The following STT3B variants were observed in gnomAD, a reference collection of about 807,000 sequenced individuals.
STT3B encodes dolichyl-diphosphooligosaccharide--protein glycosyltransferase subunit STT3B.
A neutral mutation model predicts 96.8 loss-of-function variants in STT3B; 29 were observed. The observed-to-expected ratio is 0.30, with a 90% confidence interval of 0.22 to 0.41. The LOEUF (loss-of-function observed/expected upper bound fraction) is 0.41, where lower values mean the gene tolerates loss of function less well. Among genes scored for constraint, STT3B ranks in the 10% least tolerant of loss-of-function variants. The pLI, the probability that STT3B is intolerant of heterozygous loss-of-function variation, is 1.00. For synonymous variants in STT3B, 367 were observed against 360.0 expected, an observed-to-expected ratio of 1.02 and a Z score of -0.22; for missense variants, 640 against 1,022.3, an observed-to-expected ratio of 0.63 and a Z score of 5.10.
intron 3 of STT3B, among the ~76,000 whole-genome samples, chr3:31,580,633 G>A (rs574554030): frequency 1.6e-4 from 25 of 152,142 alleles, no homozygotes; most frequent in Admixed American, 1.0e-3. Flanking sequence ...ATATGTTTTT[G>A]TATATTTTAT....
chr3:31,606,953 G>T (rs570985170), intron 5 of STT3B, among the ~76,000 whole-genome samples: 29 of 152,316 alleles, frequency 1.9e-4, no homozygotes, highest in African/African-American at 6.7e-4. Context: ...GTATCAGCGT[G>T]ACCTGGATGT....
chr3:31,635,309 G>A (rs1467129521), intron 15 of STT3B, among the ~76,000 whole-genome samples: 2 of 152,106 alleles, frequency 1.3e-5, no homozygotes, highest in African/African-American at 4.8e-5. Flanking sequence ...GCAGTAATTT[G>A]TACCACTGCA....
At chr3:31,574,141 G>C (rs1223786345) in intron 1 of STT3B, among the ~76,000 whole-genome samples, 1 of 152,058 alleles carries the variant, frequency 6.6e-6, no homozygotes, top group East Asian at 1.9e-4. Flanking sequence ...TAAAACCTTG[G>C]TATTCTTGCT....
intron 4 of STT3B, 97 bp from the exon 5 acceptor site, chr3:31,600,261 CTT>C (rs916236286): frequency 5.2e-5 from 25 of 477,340 alleles, no homozygotes; most frequent in African/African-American, 5.0e-4. Flanking sequence ...TTGCTAAAAT[CTT>C]AATGTTTATA....
At chr3:31,553,155 TG>T (rs1214809733) in intron 1 of STT3B, among the ~76,000 whole-genome samples, 1 of 151,606 alleles carries the variant, frequency 6.6e-6, no homozygotes, top group Non-Finnish European at 1.5e-5. Flanking sequence ...CTGGAACTCC[TG>T]TACATTGCTG....
chr3:31,616,529 TAA>T (rs1559387736), intron 6 of STT3B, among the ~76,000 whole-genome samples: 1 of 151,784 alleles, frequency 6.6e-6, no homozygotes, highest in Admixed American at 6.6e-5. Context: ...ATCCTGATCC[TAA>T]GTCTTTGTAT....
chr3:31,619,418 A>G (rs1319319277), intron 8 of STT3B, among the ~76,000 whole-genome samples: 1 of 152,220 alleles, frequency 6.6e-6, no homozygotes, highest in Non-Finnish European at 1.5e-5. Context: ...AGATTTCTGT[A>G]TTGGAATTCA....
intron 3 of STT3B, among the ~76,000 whole-genome samples, chr3:31,583,801 C>T (rs557434996): frequency 7.9e-5 from 12 of 151,930 alleles, no homozygotes; most frequent in Admixed American, 6.6e-4. Flanking sequence ...CTCCATTAGT[C>T]TTCTTTTGTG....
intron 3 of STT3B, among the ~76,000 whole-genome samples, chr3:31,583,243 C>T (rs1453384685): frequency 1.3e-5 from 2 of 151,928 alleles, no homozygotes; most frequent in East Asian, 1.9e-4. Flanking sequence ...ATTGCTATAC[C>T]TTCTTGCTGT....
rs765621106 is a variant in STT3B, at chr3:31,615,101, A to G, written c.878-4A>G. 3.8e-6 allele frequency: 6 copies of G among 1,577,592 alleles called. No individual in the cohort carries two copies. The highest frequency in any genetic ancestry group is 3.5e-5 in the Admixed American group (2 of 57,306). On this transcript the variant is annotated splice_region_variant and splice_polypyrimidine_tract_variant and intron_variant, in intron 5 of 15. Coordinates refer to ENST00000295770, the MANE Select transcript of STT3B (RefSeq NM_178862.3). ...TATCCTTGTTTCCTATTTTGTCTTT[A>G]TAGCATATAGCACTTTCTACATTGT...
At position 31,596,486 on chromosome 3, in the gene STT3B, A is replaced by G. The variant is rs72856035; in HGVS notation, c.712-312A>G. 2.7e-3 allele frequency among the ~76,000 whole-genome samples: 413 copies of G among 152,204 alleles called. 2 individuals carry two copies. The highest frequency in any genetic ancestry group is 9.7e-3 in the African/African-American group (403 of 41,542). ...GGAGGTGGCCATGGTGACCTGTGGC[A>G]TGGTGTGTGGATATCAGTGAGGGCA... On this transcript the variant is annotated intron_variant, in intron 3 of 15. Coordinates refer to ENST00000295770, the MANE Select transcript of STT3B (RefSeq NM_178862.3).
chr3:31,552,041 A>G (rs1329240420), intron 1 of STT3B, among the ~76,000 whole-genome samples: 3 of 152,118 alleles, frequency 2.0e-5, no homozygotes, highest in Non-Finnish European at 4.4e-5. Flanking sequence ...TAAGAACCCA[A>G]CCCTGGTGAC....
At chr3:31,588,446 TA>T (rs1320243848) in intron 3 of STT3B, among the ~76,000 whole-genome samples, 1 of 152,064 alleles carries the variant, frequency 6.6e-6, no homozygotes, top group African/African-American at 2.4e-5. Context: ...CCTAATCCAT[TA>T]AAAAAATCCT....
At position 31,633,715 on chromosome 3, in the gene STT3B, G is replaced by T. The variant is rs528622502; in HGVS notation, c.2400+568G>T. Among the ~76,000 whole-genome samples the T allele has an allele frequency of 5.9e-5, 9 of 152,078 alleles. No homozygotes were observed. The South Asian group carries it at 1.5e-3, about 25-fold the overall frequency. ...TAAGATATGAAGTATTTCATTGGGG[G>T]TCATTATTGCTCACTTAAGCCAAAT... On this transcript the variant is annotated intron_variant, in intron 15 of 15. Transcript: ENST00000295770.
rs1425287267 is a variant in STT3B at position 31,620,044 on chromosome 3, G to A, written c.1327+214G>A. On this transcript the variant is annotated intron_variant, in intron 9 of 15. Coordinates refer to ENST00000295770, the MANE Select transcript of STT3B (RefSeq NM_178862.3). ...AATCCCAGCACTTTGGGAGGCCGAG[G>A]CGGGCGGATCACCTGAGGTCAGGAG... 4.9e-6 allele frequency: 6 copies of A among 1,220,540 alleles called. 1 individual carries two copies. The Admixed American group carries it at 1.9e-4, about 38-fold the overall frequency. The allele number at this position is 1,220,540 out of a possible 1,614,324, so 75.6% of individuals were successfully genotyped here.
intron 2 of STT3B, among the ~76,000 whole-genome samples, chr3:31,578,642 G>C (rs910981606): frequency 5.3e-5 from 8 of 151,798 alleles, no homozygotes; most frequent in African/African-American, 1.9e-4. Context: ...ATTTTTATGT[G>C]TTGAGAATGT....
chr3:31,576,368 A>G (rs1698263385), intron 1 of STT3B, 28 bp from the exon 2 acceptor site: 6 of 1,375,942 alleles, frequency 4.4e-6, no homozygotes, highest in Non-Finnish European at 6.1e-6. Context: ...GCAGTTTTAT[A>G]ACATTTCTTT....
chr3:31,542,176 A>C (rs188240967), intron 1 of STT3B, among the ~76,000 whole-genome samples: 1 of 152,348 alleles, frequency 6.6e-6, no homozygotes, highest in Admixed American at 6.5e-5. Flanking sequence ...GACAAATGAT[A>C]ATCAGATAAA....
chr3:31,556,470 A>G lies in STT3B; in HGVS notation c.315-19926A>G, dbSNP rs149104936. Among the ~76,000 whole-genome samples, 550 of 152,068 alleles carry G rather than the reference A, an allele frequency of 3.6e-3. 4 individuals are homozygous for G. Among genetic ancestry groups the G allele is most frequent in the African/African-American group, 0.013 (529 of 41,488 alleles). ...AGTTCTATTTTTAGTTTTTGGAGAA[A>G]TCTCCACACTCTTTTCCAAGTGGCC... On this transcript the variant is annotated intron_variant, in intron 1 of 15. Coordinates refer to ENST00000295770, the MANE Select transcript of STT3B (RefSeq NM_178862.3).
Sources: allele counts gnomAD v4.1 joint callset (sites outside exome capture counted in the v4.1 genomes callset), GRCh38; gene constraint gnomAD v4.1.1; transcripts MANE v1.5; gene names NCBI Gene and HGNC (gene_info 2026-07-23, HGNC 2026-07-21).